Variants in MTFR1 observed in about 807,000 individuals in gnomAD.
MTFR1 encodes the protein chondrocyte protein with a poly-proline region.
MTFR1 carries 28 observed loss-of-function variants against 38.8 expected under a neutral mutation model. That is an observed-to-expected ratio of 0.72 (90% CI 0.53 to 0.99). The LOEUF (loss-of-function observed/expected upper bound fraction) is 0.99, where lower values mean the gene tolerates loss of function less well. Ranked by LOEUF, MTFR1 falls within the 50% of genes least tolerant of loss-of-function variation. The pLI is 0.00. For missense variants in MTFR1, 358 were observed against 395.5 expected (o/e 0.91, Z 0.81); for synonymous variants, 145 against 137.0 (o/e 1.06, Z -0.41).
rs1017556233 is a variant in MTFR1, at chr8:65,707,883, G to T, written c.805G>T (p.Asp269Tyr). The change falls in exon 7 of 8, where the codon GAC (aspartate) becomes TAC (tyrosine). Residue 269 changes from aspartate (D) to tyrosine (Y), a missense_variant. Transcript: ENST00000262146. The part of the protein sequence containing the change: ...DVKPKPVDAT[D>Y]PAALIAEALK... ...GAAGCCCAAGCCAGTGGATGCTACT[G>T]ACCCTGCTGCCCTCATAGCAGAGGC... 3 of 1,614,050 alleles carry T rather than the reference G, an allele frequency of 1.9e-6. No individual in the cohort carries two copies. In the African/African-American group the frequency reaches 4.0e-5, roughly 22 times the overall value.
chr8:65,697,837 A>AT (rs1247172577), intron 4 of MTFR1, among the ~76,000 whole-genome samples: 1 of 152,154 alleles, frequency 6.6e-6, no homozygotes, highest in Non-Finnish European at 1.5e-5. Flanking sequence ...GGTAAAACGT[A>AT]TCGTGTCTTT....
chr8:65,763,447 C>T (rs1808610794), intron 3 of MTFR1, among the ~76,000 whole-genome samples: 3 of 152,166 alleles, frequency 2.0e-5, no homozygotes, highest in Admixed American at 2.0e-4. Flanking sequence ...GGTCTGTAAT[C>T]CCAGCTACTT....
downstream of MTFR1, among the ~76,000 whole-genome samples, chr8:65,774,138 G>A (rs528794393): frequency 1.3e-5 from 2 of 152,282 alleles, no homozygotes; most frequent in South Asian, 4.1e-4. Flanking sequence ...TATCCTGGAA[G>A]CAACCAATGT....
intron 4 of MTFR1, among the ~76,000 whole-genome samples, chr8:65,702,248 T>C (rs1218515092): frequency 6.6e-6 from 1 of 151,874 alleles, no homozygotes; most frequent in Non-Finnish European, 1.5e-5. Context: ...TTGCCCACTT[T>C]GAAAAGACTG....
intron 3 of MTFR1, chr8:65,727,286 T>C: frequency 6.2e-7 from 1 of 1,612,436 alleles, no homozygotes; most frequent in Non-Finnish European, 8.5e-7. Flanking sequence ...TCCCAAGGAG[T>C]TACAGAATTG....
intron 3 of MTFR1, among the ~76,000 whole-genome samples, chr8:65,730,001 T>C (rs986490808): frequency 2.0e-5 from 3 of 151,690 alleles, no homozygotes; most frequent in African/African-American, 7.3e-5. Context: ...CATGGACCGG[T>C]ACTGGTCCAT....
intron 2 of MTFR1, among the ~76,000 whole-genome samples, chr8:65,678,950 CT>C (rs1804799152): frequency 2.0e-5 from 3 of 152,024 alleles, no homozygotes; most frequent in African/African-American, 7.2e-5. Context: ...TAGTATTTTT[CT>C]GATATTAAAC....
chr8:65,672,394 T>C (rs951003020), intron 2 of MTFR1, among the ~76,000 whole-genome samples: 2 of 152,230 alleles, frequency 1.3e-5, no homozygotes, highest in African/African-American at 4.8e-5. Flanking sequence ...TTCTTAGCTC[T>C]ACCTTTCAGT....
At chr8:65,762,944 C>G (rs1321671780) in intron 3 of MTFR1, among the ~76,000 whole-genome samples, 4 of 151,168 alleles carry the variant, frequency 2.6e-5, no homozygotes, top group Admixed American at 6.6e-5. Flanking sequence ...CGAGACCAGC[C>G]TGGGCAACAT....
chr8:65,754,244 C>A (rs1808108952), intron 3 of MTFR1, among the ~76,000 whole-genome samples: 1 of 151,576 alleles, frequency 6.6e-6, no homozygotes, highest in African/African-American at 2.4e-5. Flanking sequence ...TTAGATGGTG[C>A]CCCCCCGCCC....
chr8:65,761,929 G>A (rs571220014), intron 3 of MTFR1, among the ~76,000 whole-genome samples: 73 of 152,136 alleles, frequency 4.8e-4, no homozygotes, highest in Middle Eastern at 3.4e-3. Context: ...CACCCAAATC[G>A]CATGTTTTCC....
intron 3 of MTFR1, among the ~76,000 whole-genome samples, chr8:65,742,724 T>C (rs900682718): frequency 1.3e-5 from 2 of 152,204 alleles, no homozygotes; most frequent in African/African-American, 4.8e-5. Flanking sequence ...CCCAATAACA[T>C]CTCTTTAAGT....
At chr8:65,777,641 C>T in the MTFR1 span, among the ~76,000 whole-genome samples, 1 of 152,072 alleles carries the variant, frequency 6.6e-6, no homozygotes, top group Non-Finnish European at 1.5e-5. Context: ...GAAGTGTATC[C>T]TTTTCAGAGT....
intron 3 of MTFR1, among the ~76,000 whole-genome samples, chr8:65,693,195 G>A (rs879900077): frequency 5.3e-5 from 8 of 152,030 alleles, no homozygotes; most frequent in South Asian, 2.1e-4. Flanking sequence ...AAGGTCAGGC[G>A]TTCGAGACCC....
At chr8:65,684,212 G>A (rs1804998331) in intron 3 of MTFR1, among the ~76,000 whole-genome samples, 1 of 152,004 alleles carries the variant, frequency 6.6e-6, no homozygotes, top group African/African-American at 2.4e-5. Context: ...CTTTTAAAAG[G>A]GTATGAGCAG....
intron 1 of MTFR1, among the ~76,000 whole-genome samples, chr8:65,651,315 CCTTTTTTTG>C (rs1018883195): frequency 6.6e-6 from 1 of 152,036 alleles, no homozygotes; most frequent in African/African-American, 2.4e-5. Context: ...TCTCATTTGT[CCTTTTTTTG>C]CTTTGATTGC....
rs747011365 is a variant in MTFR1 at position 65,738,161 on chromosome 8, AC to A, written c.*48+18681del. On this transcript the variant is annotated intron_variant, in intron 3 of 3. Transcript: ENST00000521247. ...AATAGCATTATGTCTTTAAAAAAAAACGATGTATACACCTTAATTTAAAAGA... is the reference window on the plus strand; with the variant it reads ...AATAGCATTATGTCTTTAAAAAAAAAGATGTATACACCTTAATTTAAAAGA... Among the ~76,000 whole-genome samples the A allele has an allele frequency of 3.4e-4, 52 of 151,600 alleles. 1 individual carries two copies. The highest frequency in any genetic ancestry group is 1.7e-3 in the South Asian group (8 of 4,822).
At chr8:65,701,491 G>A (rs1295822093) in intron 4 of MTFR1, among the ~76,000 whole-genome samples, 1 of 152,116 alleles carries the variant, frequency 6.6e-6, no homozygotes, top group East Asian at 1.9e-4. Flanking sequence ...TTAATTTCTA[G>A]TTGTATCCAG....
At chr8:65,665,460 ATATT>A (rs1804355207) in intron 1 of MTFR1, among the ~76,000 whole-genome samples, 1 of 152,202 alleles carries the variant, frequency 6.6e-6, no homozygotes, top group African/African-American at 2.4e-5. Context: ...CAATAAATAT[ATATT>A]CCTGCCAGTG....
Sources: allele counts gnomAD v4.1 joint callset (sites outside exome capture counted in the v4.1 genomes callset), GRCh38; gene constraint gnomAD v4.1.1; transcripts MANE v1.5; gene names NCBI Gene and HGNC (gene_info 2026-07-23, HGNC 2026-07-21).